SOS2: variants seen among roughly 807,000 people sequenced by gnomAD.
The protein encoded by SOS2 is SOS Ras/Rho guanine nucleotide exchange factor 2, also known as son of sevenless homolog 2.
SOS2 carries 65 observed loss-of-function variants against 148.2 expected under a neutral mutation model. That is an observed-to-expected ratio of 0.44 (90% confidence interval 0.36 to 0.54). The LOEUF is 0.54. Among genes scored for constraint, SOS2 ranks in the 20% least tolerant of loss-of-function variants. SOS2 has a pLI of 0.00. For synonymous variants in SOS2, 539 were observed against 537.1 expected, an observed-to-expected ratio of 1.00 and a Z score of -0.05; for missense variants, 1,341 against 1,590.2, an observed-to-expected ratio of 0.84 and a Z score of 2.67.
chr14:50,226,116 C>T (rs551520672), intron 1 of SOS2, among the ~76,000 whole-genome samples: 1 of 150,256 alleles, frequency 6.7e-6, no homozygotes, highest in Admixed American at 6.7e-5. Context: ...AGCTTTATAA[C>T]AGCAGGGGCT....
At chr14:50,147,654 G>C (rs1195324845) in intron 14 of SOS2, among the ~76,000 whole-genome samples, 6 of 152,144 alleles carry the variant, frequency 3.9e-5, no homozygotes, top group African/African-American at 9.7e-5. Flanking sequence ...AGGGGAAAGA[G>C]AGCAATAAGA....
intron 16 of SOS2, among the ~76,000 whole-genome samples, chr14:50,141,012 G>A (rs1432640083): frequency 6.6e-6 from 1 of 151,074 alleles, no homozygotes; most frequent in African/African-American, 2.4e-5. Context: ...AGACCATCCT[G>A]GCTAACACGG....
chr14:50,224,762 T>G (rs1420276050), intron 1 of SOS2, among the ~76,000 whole-genome samples: 1 of 151,868 alleles, frequency 6.6e-6, no homozygotes, highest in Non-Finnish European at 1.5e-5. Flanking sequence ...GGCACATGCC[T>G]GTAGTCCCAG....
intron 7 of SOS2, among the ~76,000 whole-genome samples, chr14:50,178,130 GA>G (rs1203406940): frequency 6.6e-6 from 1 of 152,196 alleles, no homozygotes; most frequent in Non-Finnish European, 1.5e-5. Flanking sequence ...GATATGGTTT[GA>G]TTTTGTGTCC....
chr14:50,169,572 A>T (rs1885291902), intron 8 of SOS2, among the ~76,000 whole-genome samples: 1 of 149,542 alleles, frequency 6.7e-6, no homozygotes, highest in African/African-American at 2.5e-5. Flanking sequence ...CCTGGGAGGC[A>T]GAGGTTGCAG....
chr14:50,186,207 A>T (rs1278038210), intron 5 of SOS2, among the ~76,000 whole-genome samples: 1 of 152,196 alleles, frequency 6.6e-6, no homozygotes, highest in African/African-American at 2.4e-5. Context: ...AAATTATAGT[A>T]GATACAGAGA....
intron 1 of SOS2, among the ~76,000 whole-genome samples, chr14:50,224,012 G>A (rs1052459350): frequency 6.6e-6 from 1 of 151,952 alleles, no homozygotes; most frequent in Non-Finnish European, 1.5e-5. Context: ...TTGGCCAGGC[G>A]CAGTGGCTCA....
In SOS2 at chr14:50,220,405, C is replaced by CGAAA. The variant is rs779813155; in HGVS notation, c.87+10791_87+10792insTTTC. Among the ~76,000 whole-genome samples the CGAAA allele has an allele frequency of 7.2e-4, 22 of 30,446 alleles. 2 individuals carry two copies. The highest frequency in any genetic ancestry group is 3.0e-3 in the African/African-American group (21 of 6,914). 20.0% of individuals were successfully genotyped at this position (30,446 alleles called of 152,430 possible). ...TGGGCGACAGAGCGAGACTCCATCT[C>CGAAA]AAAAAAAAAAAAAAAAAGAACAGAC... On this transcript the variant is annotated intron_variant, in intron 1 of 22. Coordinates refer to ENST00000216373, the MANE Select transcript of SOS2 (RefSeq NM_006939.4).
intron 3 of SOS2, among the ~76,000 whole-genome samples, chr14:50,200,339 C>T (rs1689024982): frequency 6.6e-6 from 1 of 152,018 alleles, no homozygotes. Context: ...CATATTTTGC[C>T]CTATGCGTTA....
chr14:50,182,625 G>A lies in SOS2; in HGVS notation c.715-19C>T. The A allele has an allele frequency of 6.3e-7, 1 of 1,585,584 alleles. No homozygotes were observed. The highest frequency in any genetic ancestry group is 2.2e-5 in the East Asian group (1 of 44,726). On this transcript the variant is annotated intron_variant, in intron 5 of 22. Coordinates refer to ENST00000216373, the MANE Select transcript of SOS2 (RefSeq NM_006939.4). ...CGATATCCTGAAAAAAGAGAAGGAAGGTTAAGAAATGTGAGATTGAGAATT... is the reference window on the plus strand; with the variant it reads ...CGATATCCTGAAAAAAGAGAAGGAAAGTTAAGAAATGTGAGATTGAGAATT...
rs369274700 is a variant in SOS2, at chr14:50,174,571, T to C, written c.970-19A>G. 419 of 1,476,228 alleles carry C rather than the reference T, an allele frequency of 2.8e-4. 3 individuals carry two copies. In the South Asian group the frequency reaches 3.7e-3, roughly 13 times the overall value. 91.4% of individuals were successfully genotyped at this position (1,476,228 alleles called of 1,614,324 possible). ...CAATGGACTGCAAAGCAAAAAGATA[T>C]CACAGTATGTATGTCTCTGACATCA... On this transcript the variant is annotated intron_variant, in intron 7 of 22. Coordinates refer to ENST00000216373, the MANE Select transcript of SOS2 (RefSeq NM_006939.4).
At chr14:50,191,750 G>A (rs187422609) in intron 4 of SOS2, among the ~76,000 whole-genome samples, 59 of 152,254 alleles carry the variant, frequency 3.9e-4, no homozygotes, top group Admixed American at 1.2e-3. Context: ...GCTGCTCAGT[G>A]CCAGCTGTTT....
chr14:50,167,269 T>C (rs2139654620), intron 8 of SOS2, among the ~76,000 whole-genome samples: 1 of 152,206 alleles, frequency 6.6e-6, no homozygotes, highest in Non-Finnish European at 1.5e-5. Context: ...TTTCTTTCAA[T>C]AGAGATTGCA....
At chr14:50,133,007 AC>A (rs757800266) in intron 19 of SOS2, among the ~76,000 whole-genome samples, 1 of 152,048 alleles carries the variant, frequency 6.6e-6, no homozygotes. Context: ...TTAAAGGGCA[AC>A]CATTTTTCTT....
At chr14:50,148,829 T>C (rs1320001956) in intron 14 of SOS2, among the ~76,000 whole-genome samples, 1 of 152,240 alleles carries the variant, frequency 6.6e-6, no homozygotes, top group African/African-American at 2.4e-5. Flanking sequence ...CACTAAATTT[T>C]ATATATTCTT....
Position 50,159,854 on chromosome 14 carries a change from G to A in SOS2, c.1429C>T (p.Arg477Trp), listed in dbSNP as rs1555370121. 1.9e-6 allele frequency: 3 copies of A among 1,614,050 alleles called. No individual in the cohort carries two copies. Among genetic ancestry groups the A allele is most frequent in the Non-Finnish European group, 2.5e-6 (3 of 1,179,990 alleles). ...TCTGCACTACTGTAACCTGGAAGCC[G>A]AGTCTGGCCATGATTAGGTTTACAA... Reference protein sequence around the residue: ...ISCKPNHGQTRLPGYSSAEYR... With the variant: ...ISCKPNHGQTWLPGYSSAEYR... Residue 477 changes from arginine to tryptophan, a missense_variant, in exon 10 of 23, where the codon CGG becomes TGG. This residue lies in a region of SOS2 where 574 missense variants were observed against 711.1 expected (regional missense o/e 0.81). Coordinates refer to ENST00000216373, the MANE Select transcript of SOS2 (RefSeq NM_006939.4).
At chr14:50,148,981 G>A (rs965983159) in intron 14 of SOS2, among the ~76,000 whole-genome samples, 12 of 152,072 alleles carry the variant, frequency 7.9e-5, no homozygotes, top group East Asian at 1.9e-4. Context: ...CTGCAGCCTC[G>A]ACCTTAAGTG....
chr14:50,205,695 G>T (rs1386095016), intron 1 of SOS2, among the ~76,000 whole-genome samples: 1 of 152,110 alleles, frequency 6.6e-6, no homozygotes, highest in Non-Finnish European at 1.5e-5. Flanking sequence ...ACTTTGGGAG[G>T]CCGAGGTGGG....
intron 7 of SOS2, among the ~76,000 whole-genome samples, chr14:50,178,671 CAT>C (rs1170021476): frequency 0.044 from 629 of 14,394 alleles, 4 homozygotes; most frequent in Admixed American, 0.066. Context: ...TGTGTGTGTG[CAT>C]ATATATATAT....
Sources: gnomAD v4.1 joint callset for allele counts (sites outside exome capture counted in the v4.1 genomes callset) on GRCh38, gnomAD v4.1.1 for gene constraint, gnomAD v4.1.1 regional missense constraint, MANE v1.5 for transcripts, NCBI Gene and HGNC (gene_info 2026-07-23, HGNC 2026-07-21) for gene names.